Variants in NAV2 observed in about 807,000 individuals in gnomAD.
NAV2 encodes the protein helicase, APC down-regulated 1.
In NAV2, 54 loss-of-function variants were observed where a neutral mutation model predicts 223.2. That is an observed-to-expected ratio of 0.24 (90% CI 0.19 to 0.30). The LOEUF (loss-of-function observed/expected upper bound fraction) is 0.30, where lower values mean the gene tolerates loss of function less well. NAV2 is among the 10% of genes least tolerant of loss of function. The pLI, the probability that NAV2 is intolerant of heterozygous loss-of-function variation, is 1.00. For synonymous variants in NAV2, 1,279 were observed against 1,239.3 expected (o/e 1.03, Z -0.67); for missense variants, 2,806 against 3,147.5 (o/e 0.89, Z 2.60).
At chr11:19,487,846 T>C (rs4757814) in intron 1 of NAV2, among the ~76,000 whole-genome samples, 135,652 of 151,854 alleles carry the variant, frequency 0.89, 62,595 homozygotes, top group East Asian at 1. Flanking sequence ...GATTTCAGCC[T>C]GTAAGAGACC....
At chr11:19,777,446 C>T (rs1238751017) in intron 1 of NAV2, 1 of 453,058 alleles carries the variant, frequency 2.2e-6, no homozygotes, top group African/African-American at 2.0e-5. Flanking sequence ...TCTGCCCCTT[C>T]CTTCCTCGCC....
chr11:19,471,561 G>T (rs1319335314), intron 1 of NAV2, among the ~76,000 whole-genome samples: 1 of 152,170 alleles, frequency 6.6e-6, no homozygotes, highest in African/African-American at 2.4e-5. Context: ...GGACCTGAGG[G>T]TAAGTGGGGT....
chr11:19,419,453 G>A (rs1162832363), intron 1 of NAV2, among the ~76,000 whole-genome samples: 2 of 152,192 alleles, frequency 1.3e-5, no homozygotes, highest in Non-Finnish European at 2.9e-5. Flanking sequence ...GACAGCTGAG[G>A]AGGAGGTTGC....
At chr11:19,740,034 T>C (rs941495625) in intron 1 of NAV2, among the ~76,000 whole-genome samples, 3 of 152,156 alleles carry the variant, frequency 2.0e-5, no homozygotes, top group Admixed American at 1.3e-4. Context: ...AGGCTCCCCC[T>C]GGAGGGCAGC....
At chr11:20,074,356 T>C (rs1248946284) in intron 22 of NAV2, among the ~76,000 whole-genome samples, 1 of 152,216 alleles carries the variant, frequency 6.6e-6, no homozygotes, top group East Asian at 1.9e-4. Flanking sequence ...CTTCCGATTA[T>C]GTGGTCAATT....
At chr11:19,415,875 C>T (rs1850345999) in intron 1 of NAV2, among the ~76,000 whole-genome samples, 1 of 152,080 alleles carries the variant, frequency 6.6e-6, no homozygotes, top group Admixed American at 6.6e-5. Flanking sequence ...GCAGAAAAGG[C>T]CTTCGATAAA....
chr11:19,447,370 C>T (rs1321284636), intron 1 of NAV2, among the ~76,000 whole-genome samples: 5 of 152,162 alleles, frequency 3.3e-5, no homozygotes, highest in South Asian at 4.2e-4. Context: ...TCATCTGAAC[C>T]GGTTGTGTGG....
intron 1 of NAV2, among the ~76,000 whole-genome samples, chr11:19,411,333 A>G (rs766789842): frequency 4.6e-5 from 7 of 152,110 alleles, no homozygotes; most frequent in Non-Finnish European, 1.0e-4. Flanking sequence ...TTCTAAGTAC[A>G]CAGACTATGT....
At chr11:19,673,738 C>T (rs886219997) in intron 1 of NAV2, among the ~76,000 whole-genome samples, 6 of 152,140 alleles carry the variant, frequency 3.9e-5, no homozygotes, top group African/African-American at 1.2e-4. Flanking sequence ...TTTCTGCTCT[C>T]GGGGCCTGTT....
chr11:20,115,968 G>C (rs577599602), intron 37 of NAV2, among the ~76,000 whole-genome samples: 6 of 152,244 alleles, frequency 3.9e-5, no homozygotes, highest in African/African-American at 1.2e-4. Flanking sequence ...ATCGATTGTA[G>C]TACTCTACCA....
At chr11:19,694,772 C>T (rs1368993464) in intron 1 of NAV2, among the ~76,000 whole-genome samples, 2 of 152,204 alleles carry the variant, frequency 1.3e-5, no homozygotes, top group Non-Finnish European at 2.9e-5. Flanking sequence ...AAGGGACCAA[C>T]AGCTATTGCT....
chr11:19,908,934 T>C (rs933485820), intron 6 of NAV2, among the ~76,000 whole-genome samples: 2 of 152,218 alleles, frequency 1.3e-5, no homozygotes, highest in Admixed American at 6.5e-5. Flanking sequence ...TAAAATTAGA[T>C]TGTGGTGATG....
rs779546998 is a variant in NAV2 at position 20,055,924 on chromosome 11, C to T, written c.4798C>T (p.Arg1600Cys). 1.9e-5 allele frequency: 30 copies of T among 1,613,892 alleles called. No individual in the cohort carries two copies. The highest frequency in any genetic ancestry group is 4.0e-5 in the African/African-American group (3 of 74,902). Residue 1600 changes from arginine (R) to cysteine (C), a missense_variant, in exon 19 of 38, where the codon CGT becomes TGT. Arg to Cys is a radical substitution (Grantham distance 180). Coordinates refer to ENST00000349880, the MANE Select transcript of NAV2 (RefSeq NM_145117.5). ...GGATGAGAAGAGCAGAACCATGAGC[C>T]GTTCAGGCTCATTCCGGGATGGGTT... ...SLDEKSRTMS[R>C]SGSFRDGFEE...
intron 1 of NAV2, among the ~76,000 whole-genome samples, chr11:19,400,242 T>A (rs369400246): frequency 1.3e-5 from 2 of 152,092 alleles, no homozygotes; most frequent in South Asian, 2.1e-4. Flanking sequence ...GTGTGAGACA[T>A]AAGGAGTCAC....
intron 1 of NAV2, among the ~76,000 whole-genome samples, chr11:19,799,481 G>C (rs1397949919): frequency 6.7e-6 from 1 of 149,976 alleles, no homozygotes; most frequent in Non-Finnish European, 1.5e-5. Context: ...TTTGGAATCA[G>C]TTGCCCTGTA....
intron 6 of NAV2, among the ~76,000 whole-genome samples, chr11:19,911,330 A>G (rs1591197300): frequency 6.6e-6 from 1 of 152,216 alleles, no homozygotes; most frequent in South Asian, 2.1e-4. Context: ...TGAAAGGTGC[A>G]TTAGCTATAT....
chr11:19,603,944 A>G (rs1487890570), intron 1 of NAV2, among the ~76,000 whole-genome samples: 2 of 152,122 alleles, frequency 1.3e-5, no homozygotes, highest in African/African-American at 4.8e-5. Flanking sequence ...TTCTGGGCAG[A>G]GGGAATGGCA....
At chr11:20,086,608 C>A (rs1454877008) in intron 26 of NAV2, among the ~76,000 whole-genome samples, 1 of 152,018 alleles carries the variant, frequency 6.6e-6, no homozygotes, top group Non-Finnish European at 1.5e-5. Context: ...AGTAGAAGCT[C>A]CATGGAGGTA....
At chr11:19,833,188 G>A (rs922072315) in intron 2 of NAV2, among the ~76,000 whole-genome samples, 3 of 152,170 alleles carry the variant, frequency 2.0e-5, no homozygotes, top group Non-Finnish European at 4.4e-5. Context: ...CTTTGCCTTG[G>A]GCCTTAAGGT....
Sources: allele counts gnomAD v4.1 joint callset (sites outside exome capture counted in the v4.1 genomes callset), GRCh38; gene constraint gnomAD v4.1.1; transcripts MANE v1.5; gene names NCBI Gene and HGNC (gene_info 2026-07-23, HGNC 2026-07-21).